CASD1: variants seen among roughly 807,000 people sequenced by gnomAD.
CASD1 encodes CAS1 domain sialic acid O acetyltransferase 1, also known as N-acetylneuraminate (7)9-O-acetyltransferase.
CASD1 carries 41 observed loss-of-function variants against 100.0 expected under a neutral mutation model. The ratio of observed to expected loss-of-function variants is 0.41; its 90% CI spans 0.32 to 0.53. CASD1 has a LOEUF of 0.53. CASD1 is among the 20% of genes least tolerant of loss of function. The pLI is 0.25. For missense variants in CASD1, 774 were observed against 948.7 expected (o/e 0.82, Z 2.42); for synonymous variants, 321 against 315.6 (o/e 1.02, Z -0.18).
At chr7:94,551,504 T>A (rs781694495) in intron 15 of CASD1, 26 bp downstream of exon 15, 1 of 1,223,458 alleles carries the variant, frequency 8.2e-7, no homozygotes, top group South Asian at 1.8e-5. Context: ...TTTCCAAAAT[T>A]CTAAATGGTA....
chr7:94,613,054 G>A, the CASD1 span, among the ~76,000 whole-genome samples: 1 of 152,162 alleles, frequency 6.6e-6, no homozygotes, highest in Non-Finnish European at 1.5e-5. Context: ...CCCAGTCTTT[G>A]CCACTGTCCT....
chr7:94,627,189 A>AATGTGGAAGC, the CASD1 span: 1 of 152,090 alleles, frequency 6.6e-6, no homozygotes, highest in South Asian at 2.1e-4. Context: ...GGAAGCTCAC[A>AATGTGGAAGC]TCCACAGTAC....
the CASD1 span, among the ~76,000 whole-genome samples, chr7:94,563,216 A>C: frequency 2.0e-5 from 3 of 152,158 alleles, no homozygotes; most frequent in Non-Finnish European, 4.4e-5. Context: ...ACCACACAAG[A>C]AAAGTGGTTA....
chr7:94,544,734 A>G (rs889227252), intron 11 of CASD1, among the ~76,000 whole-genome samples: 8 of 152,258 alleles, frequency 5.3e-5, no homozygotes, highest in Non-Finnish European at 8.8e-5. Context: ...ATAATTTAAT[A>G]TATAATAAAA....
chr7:94,617,197 C>T, the CASD1 span: 1 of 152,144 alleles, frequency 6.6e-6, no homozygotes. Flanking sequence ...TAGTAATGTT[C>T]TATTGGCAAT....
At chr7:94,524,549 G>A (rs1794456655) in intron 3 of CASD1, among the ~76,000 whole-genome samples, 1 of 152,102 alleles carries the variant, frequency 6.6e-6, no homozygotes, top group Non-Finnish European at 1.5e-5. Flanking sequence ...TAGTGAGAGT[G>A]TAAATTGTTA....
chr7:94,562,660 A>T, the CASD1 span, among the ~76,000 whole-genome samples: 2 of 151,954 alleles, frequency 1.3e-5, no homozygotes, highest in East Asian at 3.9e-4. Context: ...AAAAATTCCA[A>T]TGGTAGCTAT....
chr7:94,572,022 C>A, the CASD1 span, among the ~76,000 whole-genome samples: 1 of 152,046 alleles, frequency 6.6e-6, no homozygotes, highest in Non-Finnish European at 1.5e-5. Context: ...AGAAGGAATT[C>A]TCTCAAAAAC....
the CASD1 span, among the ~76,000 whole-genome samples, chr7:94,574,263 C>T: frequency 1.3e-5 from 2 of 152,040 alleles, no homozygotes; most frequent in Non-Finnish European, 2.9e-5. Flanking sequence ...GAGGAGGAGT[C>T]CCACCTCCTT....
At chr7:94,517,682 T>A (rs762290781) in intron 2 of CASD1, 26 bp downstream of exon 2, 24 of 1,425,056 alleles carry the variant, frequency 1.7e-5, no homozygotes, top group Non-Finnish European at 2.4e-5. Context: ...TTTGTTGTTT[T>A]CTTTTTCAGG....
chr7:94,563,528 C>T, the CASD1 span, among the ~76,000 whole-genome samples: 1 of 151,878 alleles, frequency 6.6e-6, no homozygotes, highest in African/African-American at 2.4e-5. Context: ...AGAAGTATTC[C>T]TTGTGTAATA....
At chr7:94,629,338 C>T in the CASD1 span, 2 of 168,772 alleles carry the variant, frequency 1.2e-5, no homozygotes, top group Admixed American at 6.0e-5. Flanking sequence ...TTACCTAATG[C>T]CATTTTTCAT....
At chr7:94,514,814 C>T (rs1386415667) in intron 1 of CASD1, among the ~76,000 whole-genome samples, 1 of 151,960 alleles carries the variant, frequency 6.6e-6, no homozygotes, top group African/African-American at 2.4e-5. Context: ...TATCTGAACG[C>T]CTGGCAACAT....
rs534721742 is a variant in CASD1 at position 94,535,165 on chromosome 7, C to G, written c.629-144C>G. On this transcript the variant is annotated intron_variant, in intron 7 of 17. Transcript: ENST00000297273. ...TTATTGCAAACTTTGGGAAGCTTTG[C>G]GTAAAAATGAACTATTAGGTACCTG... The G allele has an allele frequency of 2.7e-4, 161 of 600,122 alleles. No individual in the cohort carries two copies. In the East Asian group the frequency reaches 4.7e-3, roughly 17 times the overall value. The allele number at this position is 600,122 out of a possible 1,614,324, so 37.2% of individuals were successfully genotyped here. A position where few individuals can be genotyped will look rare whatever the true frequency, so the allele number is the denominator to read the frequency against.
chr7:94,631,467 C>T, the CASD1 span, among the ~76,000 whole-genome samples: 1 of 151,922 alleles, frequency 6.6e-6, no homozygotes, highest in Admixed American at 6.6e-5. Context: ...ACTGCTTTGG[C>T]AACACCTGGA....
At chr7:94,526,401 A>T (rs1794568206) in intron 3 of CASD1, among the ~76,000 whole-genome samples, 1 of 152,196 alleles carries the variant, frequency 6.6e-6, no homozygotes, top group African/African-American at 2.4e-5. Flanking sequence ...TGTCACATAT[A>T]TCCACGTCGC....
the CASD1 span, chr7:94,590,435 CCAT>C: frequency 6.6e-6 from 1 of 152,044 alleles, no homozygotes; most frequent in Non-Finnish European, 1.5e-5. Context: ...AGAATAAGAA[CCAT>C]CATATTTTGT....
At chr7:94,535,717 G>A (rs1322662281) in intron 8 of CASD1, among the ~76,000 whole-genome samples, 194 bp downstream of exon 8, 3 of 152,002 alleles carry the variant, frequency 2.0e-5, no homozygotes, top group Non-Finnish European at 4.4e-5. Flanking sequence ...AAGAGTTTTG[G>A]TATACTCTAA....
At chr7:94,580,988 C>G in the CASD1 span, among the ~76,000 whole-genome samples, 1 of 152,124 alleles carries the variant, frequency 6.6e-6, no homozygotes, top group African/African-American at 2.4e-5. Context: ...ATTACAGGAT[C>G]AGGAGCCTGA....
Sources: allele counts gnomAD v4.1 joint callset (sites outside exome capture counted in the v4.1 genomes callset), GRCh38; gene constraint gnomAD v4.1.1; transcripts MANE v1.5; gene names NCBI Gene and HGNC (gene_info 2026-07-23, HGNC 2026-07-21).